CDKN2B-AS1: variants seen among roughly 807,000 people sequenced by gnomAD.
The protein encoded by CDKN2B-AS1 is CDKN2B antisense RNA 1 (non-protein coding).
chr9:22,087,884 A>C (rs966124503), intron 4 of CDKN2B-AS1, among the ~76,000 whole-genome samples: 1 of 152,338 alleles, frequency 6.6e-6, no homozygotes, highest in South Asian at 2.1e-4. Context: ...TGAGTGAAAT[A>C]ATGTTATTAA....
intron 4 of CDKN2B-AS1, among the ~76,000 whole-genome samples, chr9:22,062,976 G>GACACACACACAC (rs534087244): frequency 0.11 from 14,078 of 124,666 alleles, 1,004 homozygotes; most frequent in African/African-American, 0.21. Context: ...GTGAAAGACA[G>GACACACACACAC]ACACACACAC....
intron 4 of CDKN2B-AS1, among the ~76,000 whole-genome samples, chr9:22,098,470 C>A (rs1305145109): frequency 6.6e-6 from 1 of 151,124 alleles, no homozygotes; most frequent in African/African-American, 2.4e-5. Context: ...ATATGTATCA[C>A]CTTTATAAAA....
intron 1 of CDKN2B-AS1, among the ~76,000 whole-genome samples, chr9:21,998,949 C>T (rs952696861): frequency 7.2e-5 from 11 of 152,038 alleles, no homozygotes; most frequent in Admixed American, 1.3e-4. Context: ...TAAATAAATA[C>T]ATAATCCAGT....
intron 1 of CDKN2B-AS1, among the ~76,000 whole-genome samples, chr9:21,998,209 T>G (rs1246508025): frequency 2.6e-5 from 4 of 152,224 alleles, no homozygotes; most frequent in African/African-American, 4.8e-5. Context: ...ATGGTGAAGA[T>G]GACTCTTTCT....
chr9:22,065,446 G>T (rs750223643), intron 4 of CDKN2B-AS1, among the ~76,000 whole-genome samples: 5 of 152,170 alleles, frequency 3.3e-5, no homozygotes, highest in Non-Finnish European at 5.9e-5. Flanking sequence ...AGACTTTCAT[G>T]AAGATAGGCA....
intron 1 of CDKN2B-AS1, chr9:22,029,508 T>C: frequency 1.3e-6 from 1 of 779,630 alleles, no homozygotes; most frequent in Non-Finnish European, 2.4e-6. Context: ...CCTCAGCTCC[T>C]CTCATCTGAT....
intron 1 of CDKN2B-AS1, among the ~76,000 whole-genome samples, chr9:22,002,020 T>G (rs1219990170): frequency 6.6e-6 from 1 of 152,096 alleles, no homozygotes; most frequent in Admixed American, 6.5e-5. Context: ...AAATTAAAAT[T>G]GTCTTATTTT....
At chr9:22,048,499 A>G (rs1345011442) in intron 2 of CDKN2B-AS1, among the ~76,000 whole-genome samples, 1 of 152,108 alleles carries the variant, frequency 6.6e-6, no homozygotes, top group African/African-American at 2.4e-5. Context: ...GGATTTTTTC[A>G]TTTTGCAATC....
intron 4 of CDKN2B-AS1, among the ~76,000 whole-genome samples, chr9:22,114,996 T>C (rs1825908781): frequency 6.6e-6 from 1 of 152,200 alleles, no homozygotes; most frequent in Non-Finnish European, 1.5e-5. Flanking sequence ...GGTTGCCCCT[T>C]CTGTCTTTTC....
chr9:22,018,748 A>AT (rs1379921630), intron 1 of CDKN2B-AS1, among the ~76,000 whole-genome samples: 1 of 152,228 alleles, frequency 6.6e-6, no homozygotes, highest in Non-Finnish European at 1.5e-5. Context: ...CTTCATCTAC[A>AT]TTTTTAGCAA....
intron 1 of CDKN2B-AS1, among the ~76,000 whole-genome samples, chr9:22,010,546 A>G (rs943856474): frequency 6.6e-6 from 1 of 152,128 alleles, no homozygotes; most frequent in African/African-American, 2.4e-5. Context: ...CTGACTCCTC[A>G]TCCCCCAAAT....
At chr9:22,082,301 A>G (rs1360396464) in intron 4 of CDKN2B-AS1, among the ~76,000 whole-genome samples, 3 of 152,192 alleles carry the variant, frequency 2.0e-5, no homozygotes, top group African/African-American at 7.2e-5. Context: ...CTCTTTATAT[A>G]ACAGTAGCAG....
intron 1 of CDKN2B-AS1, chr9:22,008,965 C>T (rs1821346506): frequency 1.9e-6 from 3 of 1,613,152 alleles, no homozygotes; most frequent in African/African-American, 1.3e-5. Flanking sequence ...CCGCAGCCCC[C>T]AGACGCGCAG....
At chr9:22,110,681 A>G (rs572992329) in intron 4 of CDKN2B-AS1, among the ~76,000 whole-genome samples, 2 of 152,252 alleles carry the variant, frequency 1.3e-5, no homozygotes, top group Admixed American at 1.3e-4. Context: ...TCTAGAGTTT[A>G]TAGAAGAATT....
intron 1 of CDKN2B-AS1, among the ~76,000 whole-genome samples, chr9:22,011,910 G>A (rs1269700238): frequency 6.6e-6 from 1 of 152,206 alleles, no homozygotes; most frequent in Non-Finnish European, 1.5e-5. Flanking sequence ...TTTTAATAAG[G>A]TGGAGAATTT....
At chr9:22,121,858 G>C (rs973572880) in intron 4 of CDKN2B-AS1, among the ~76,000 whole-genome samples, 1 of 152,060 alleles carries the variant, frequency 6.6e-6, no homozygotes, top group African/African-American at 2.4e-5. Flanking sequence ...AATAAACATG[G>C]TCTGTAGATG....
At chr9:22,015,622 T>C (rs1021400080) in intron 1 of CDKN2B-AS1, among the ~76,000 whole-genome samples, 2 of 151,956 alleles carry the variant, frequency 1.3e-5, no homozygotes, top group African/African-American at 2.4e-5. Flanking sequence ...CATTTATTTT[T>C]ATTTATTTAT....
At chr9:22,033,406 CA>C (rs1422762228) in intron 1 of CDKN2B-AS1, among the ~76,000 whole-genome samples, 1 of 152,064 alleles carries the variant, frequency 6.6e-6, no homozygotes, top group East Asian at 1.9e-4. Context: ...TATATGCCAG[CA>C]AAATTTAATA....
intron 4 of CDKN2B-AS1, among the ~76,000 whole-genome samples, chr9:22,103,782 T>C (rs1825568474): frequency 6.6e-6 from 1 of 152,200 alleles, no homozygotes; most frequent in Non-Finnish European, 1.5e-5. Flanking sequence ...GCTTTTTAAA[T>C]GCTGAGGCAA....
Sources: allele counts gnomAD v4.1 joint callset (sites outside exome capture counted in the v4.1 genomes callset), GRCh38; gene constraint gnomAD v4.1.1; transcripts MANE v1.5; gene names NCBI Gene and HGNC (gene_info 2026-07-23, HGNC 2026-07-21).